Variants in PTPRD observed in about 807,000 individuals in gnomAD.
The protein encoded by PTPRD is protein tyrosine phosphatase receptor type D.
PTPRD carries 34 observed loss-of-function variants against 214.5 expected under a neutral mutation model. That is an observed-to-expected ratio of 0.16 (90% confidence interval 0.12 to 0.21). The LOEUF is 0.21. Among genes scored for constraint, PTPRD ranks in the 10% least tolerant of loss-of-function variants. PTPRD has a pLI of 1.00. For missense variants in PTPRD, 2,545 were observed against 2,398.7 expected, an observed-to-expected ratio of 1.06 and a Z score of -1.27; for synonymous variants, 1,128 against 845.7, an observed-to-expected ratio of 1.33 and a Z score of -5.79.
intron 3 of PTPRD, among the ~76,000 whole-genome samples, chr9:10,040,054 C>A (rs1204619045): frequency 6.6e-6 from 1 of 151,994 alleles, no homozygotes; most frequent in East Asian, 1.9e-4. Context: ...GGCTTTGCTG[C>A]AAAGTGAGGA....
intron 9 of PTPRD, among the ~76,000 whole-genome samples, chr9:9,268,913 A>G (rs373904466): frequency 2.0e-5 from 3 of 151,112 alleles, no homozygotes; most frequent in East Asian, 2.0e-4. Flanking sequence ...TCCAGAAGAA[A>G]ACATAGAAGA....
At chr9:8,496,359 G>A (rs998579066) in intron 26 of PTPRD, among the ~76,000 whole-genome samples, 1 of 152,192 alleles carries the variant, frequency 6.6e-6, no homozygotes, top group African/African-American at 2.4e-5. Flanking sequence ...ATTTACTAAT[G>A]CATGGTCCAC....
At chr9:8,731,697 G>T (rs763358388) in intron 12 of PTPRD, among the ~76,000 whole-genome samples, 1 of 152,142 alleles carries the variant, frequency 6.6e-6, no homozygotes, top group Admixed American at 6.5e-5. Context: ...GTATCTTCTG[G>T]TAGATTGCAA....
intron 4 of PTPRD, among the ~76,000 whole-genome samples, chr9:9,986,494 G>C (rs1040352610): frequency 6.6e-6 from 1 of 152,064 alleles, no homozygotes; most frequent in Non-Finnish European, 1.5e-5. Context: ...TAAGTAAAAT[G>C]TATGCATGTG....
chr9:8,694,731 C>T (rs994377505), intron 12 of PTPRD, among the ~76,000 whole-genome samples: 8 of 152,074 alleles, frequency 5.3e-5, no homozygotes, highest in South Asian at 2.1e-4. Context: ...TAATAAATAC[C>T]TATTATTCAT....
chr9:9,488,238 C>T (rs924267009), intron 8 of PTPRD, among the ~76,000 whole-genome samples: 2 of 152,196 alleles, frequency 1.3e-5, no homozygotes, highest in African/African-American at 4.8e-5. Flanking sequence ...AGACAATGTT[C>T]ATCACTCCAT....
Position 8,723,111 on chromosome 9 carries a change from C to T in PTPRD, c.64+10669G>A, listed in dbSNP as rs148890098. 1.7e-4 allele frequency among the ~76,000 whole-genome samples: 26 copies of T among 152,214 alleles called. No homozygotes were observed. The East Asian group carries it at 5.0e-3, about 30-fold the overall frequency. ...CTCTCCTATACCTAGCCCAGCAATC[C>T]GAACCCTTTATACGACCTCCAGGGC... On this transcript the variant is annotated intron_variant, in intron 12 of 45. Transcript: ENST00000381196.
chr9:9,759,953 C>G (rs773891981), intron 6 of PTPRD, among the ~76,000 whole-genome samples: 1 of 152,136 alleles, frequency 6.6e-6, no homozygotes, highest in Non-Finnish European at 1.5e-5. Context: ...ATATATCTTT[C>G]TTTCCTTCTC....
chr9:9,136,186 T>C (rs1212463878), intron 10 of PTPRD, among the ~76,000 whole-genome samples: 2 of 152,164 alleles, frequency 1.3e-5, no homozygotes, highest in Non-Finnish European at 2.9e-5. Flanking sequence ...GGAGTTTATG[T>C]TCACATTAAG....
chr9:9,287,206 C>T (rs1032936218), intron 9 of PTPRD, among the ~76,000 whole-genome samples: 1 of 151,358 alleles, frequency 6.6e-6, no homozygotes, highest in Admixed American at 6.6e-5. Flanking sequence ...ACCTGGGCAA[C>T]AGAACAAGAC....
rs1484132823 is a variant in PTPRD, at chr9:9,936,429, C to A, written c.-368+2078G>T. On this transcript the variant is annotated intron_variant, in intron 5 of 45. Coordinates refer to ENST00000381196, the MANE Select transcript of PTPRD (RefSeq NM_002839.4). Reference sequence around the variant, plus strand: ...AGTGGGCGAAGGACATGAACAGACACTTCTCAAAAGAAGACATTTATGCAG... The same window carrying A: ...AGTGGGCGAAGGACATGAACAGACAATTCTCAAAAGAAGACATTTATGCAG... 1.3e-5 allele frequency among the ~76,000 whole-genome samples: 2 copies of A among 151,746 alleles called. 1 individual carries two copies. Among genetic ancestry groups the A allele is most frequent in the African/African-American group, 4.9e-5 (2 of 41,178 alleles).
intron 12 of PTPRD, among the ~76,000 whole-genome samples, chr9:8,711,999 C>T (rs892758042): frequency 2.0e-5 from 3 of 152,176 alleles, no homozygotes; most frequent in Non-Finnish European, 4.4e-5. Context: ...AGTGAAGGAA[C>T]TGCTACATGT....
intron 2 of PTPRD, among the ~76,000 whole-genome samples, chr9:10,581,434 C>G (rs113880961): frequency 0.022 from 3,388 of 152,230 alleles, 51 homozygotes; most frequent in South Asian, 0.061. Flanking sequence ...CAATTTAAAC[C>G]TTCTCTTTCA....
intron 7 of PTPRD, among the ~76,000 whole-genome samples, chr9:9,581,244 G>A (rs1316537669): frequency 6.6e-6 from 1 of 151,994 alleles, no homozygotes; most frequent in Admixed American, 6.6e-5. Context: ...TTGAACTTAT[G>A]CATTATTTAT....
At chr9:8,860,389 T>G (rs1586800731) in intron 11 of PTPRD, 1 of 152,342 alleles carries the variant, frequency 6.6e-6, no homozygotes, top group South Asian at 2.1e-4. Context: ...GCCCAACTTT[T>G]CTGACACTGT....
At chr9:9,470,216 G>C (rs1474851182) in intron 8 of PTPRD, among the ~76,000 whole-genome samples, 1 of 151,982 alleles carries the variant, frequency 6.6e-6, no homozygotes, top group East Asian at 1.9e-4. Flanking sequence ...ATATTTGTAT[G>C]GTCACTTCTA....
intron 5 of PTPRD, among the ~76,000 whole-genome samples, chr9:9,769,509 G>C (rs1244119078): frequency 1.3e-5 from 2 of 151,648 alleles, no homozygotes; most frequent in African/African-American, 4.8e-5. Context: ...GTATTTTTTA[G>C]TAGAGACGAG....
intron 9 of PTPRD, among the ~76,000 whole-genome samples, chr9:9,225,228 AT>A (rs558877752): frequency 6.6e-6 from 1 of 151,952 alleles, no homozygotes; most frequent in Admixed American, 6.6e-5. Flanking sequence ...AGAGAAAAAA[AT>A]TTTTTTAAAT....
chr9:9,802,532 T>A (rs749259316), intron 5 of PTPRD, among the ~76,000 whole-genome samples: 4 of 152,034 alleles, frequency 2.6e-5, no homozygotes, highest in Non-Finnish European at 5.9e-5. Context: ...ACTTTATACA[T>A]CTCTGGCTCT....
Sources: gnomAD v4.1 joint callset for allele counts (sites outside exome capture counted in the v4.1 genomes callset) on GRCh38, gnomAD v4.1.1 for gene constraint, MANE v1.5 for transcripts, NCBI Gene and HGNC (gene_info 2026-07-23, HGNC 2026-07-21) for gene names.